ZNF131: variants seen among roughly 807,000 people sequenced by gnomAD.
ZNF131 encodes zinc finger protein 131.
A neutral mutation model predicts 60.0 loss-of-function variants in ZNF131; 7 were observed. That is an observed-to-expected ratio of 0.12 (90% confidence interval 0.07 to 0.22). The LOEUF is 0.22. ZNF131 is among the 10% of genes least tolerant of loss of function. ZNF131 has a pLI of 1.00. For missense variants in ZNF131, 493 were observed against 740.9 expected (o/e 0.67, Z 3.88); for synonymous variants, 257 against 253.2 (o/e 1.01, Z -0.14).
chr5:43,145,589 G>T (rs2111610660), intron 4 of ZNF131, among the ~76,000 whole-genome samples: 1 of 152,078 alleles, frequency 6.6e-6, no homozygotes, highest in South Asian at 2.1e-4. Context: ...GGAGGCGGAG[G>T]TTGCAGTAAG....
intron 4 of ZNF131, among the ~76,000 whole-genome samples, chr5:43,147,384 TTTTTTA>T (rs1430199325): frequency 6.6e-6 from 1 of 151,840 alleles, no homozygotes; most frequent in Non-Finnish European, 1.5e-5. Flanking sequence ...AGTTTGGAAG[TTTTTTA>T]AATCTTTTTT....
intron 3 of ZNF131, among the ~76,000 whole-genome samples, chr5:43,125,583 C>T (rs1476730859): frequency 1.3e-5 from 2 of 151,768 alleles, no homozygotes; most frequent in Admixed American, 6.6e-5. Flanking sequence ...GAGGTCGAGA[C>T]CAGCCTGACC....
chr5:43,124,585 T>C (rs1421566685), intron 3 of ZNF131: 1 of 152,120 alleles, frequency 6.6e-6, no homozygotes, highest in African/African-American at 2.4e-5. Context: ...CCACAAAACT[T>C]AATAAAGTGA....
At position 43,152,692 on chromosome 5, in the gene ZNF131, A is replaced by G. The variant is rs575093406; in HGVS notation, c.372-8557A>G. ...TGCAATCACAGCTCACTGCAGCTGT[A>G]ACTTTCCAGGCTCAGATGATCCTCC... On this transcript the variant is annotated intron_variant, in intron 4 of 6. Coordinates refer to ENST00000682664, the MANE Select transcript of ZNF131 (RefSeq NM_001330707.2). Among the ~76,000 whole-genome samples the G allele has an allele frequency of 3.3e-5, 5 of 152,210 alleles. No individual in the cohort carries two copies. In the East Asian group the frequency reaches 7.7e-4, roughly 24 times the overall value.
At chr5:43,155,632 C>CTT (rs1331012279) in intron 4 of ZNF131, among the ~76,000 whole-genome samples, 4 of 152,142 alleles carry the variant, frequency 2.6e-5, no homozygotes, top group Non-Finnish European at 5.9e-5. Flanking sequence ...TGCTGTTTTG[C>CTT]TTGCAGGTTA....
intron 4 of ZNF131, among the ~76,000 whole-genome samples, chr5:43,150,199 C>T (rs1003573928): frequency 3.9e-5 from 6 of 152,246 alleles, no homozygotes; most frequent in African/African-American, 1.4e-4. Context: ...AGCAAACCTG[C>T]CTAACCTTTG....
chr5:43,173,205 C>T (rs1198061683), intron 5 of ZNF131, 113 bp from the exon 6 acceptor site: 10 of 1,113,922 alleles, frequency 9.0e-6, no homozygotes, highest in Admixed American at 3.0e-5. Context: ...TGTGATTTCT[C>T]CTTTTAGGAA....
intron 2 of ZNF131, 132 bp downstream of exon 2, chr5:43,122,309 T>G: frequency 9.1e-7 from 1 of 1,098,094 alleles, no homozygotes; most frequent in Non-Finnish European, 1.3e-6. Context: ...GTCTGCAGAG[T>G]GTGTGCACTG....
chr5:43,132,144 A>G (rs1745444157), intron 3 of ZNF131, among the ~76,000 whole-genome samples: 1 of 152,234 alleles, frequency 6.6e-6, no homozygotes, highest in Admixed American at 6.5e-5. Flanking sequence ...TTGTTTTAAA[A>G]AGGATTTTTC....
intron 4 of ZNF131, among the ~76,000 whole-genome samples, chr5:43,139,576 G>A (rs908226525): frequency 1.1e-4 from 16 of 152,128 alleles, no homozygotes; most frequent in Admixed American, 2.6e-4. Context: ...TAAGGATCTG[G>A]ATCCTTATAA....
intron 4 of ZNF131, among the ~76,000 whole-genome samples, chr5:43,151,798 C>T (rs551194198): frequency 6.6e-6 from 1 of 152,224 alleles, no homozygotes; most frequent in South Asian, 2.1e-4. Context: ...AGCACAGTCC[C>T]AGGGGCACAT....
chr5:43,159,773 CT>C (rs980407567), intron 4 of ZNF131, among the ~76,000 whole-genome samples: 1 of 150,674 alleles, frequency 6.6e-6, no homozygotes, highest in African/African-American at 2.4e-5. Context: ...CTGTGGCTTG[CT>C]TTTTTATTAA....
intron 5 of ZNF131, among the ~76,000 whole-genome samples, chr5:43,165,913 G>A (rs906106747): frequency 2.0e-5 from 3 of 152,206 alleles, no homozygotes; most frequent in African/African-American, 7.2e-5. Context: ...TCTTAACTAG[G>A]TATTCTGGAT....
chr5:43,143,795 C>A (rs1747165161), intron 4 of ZNF131, among the ~76,000 whole-genome samples: 1 of 150,650 alleles, frequency 6.6e-6, no homozygotes, highest in South Asian at 2.1e-4. Context: ...TTAACAGAAC[C>A]TCAAGGTCAG....
At chr5:43,160,520 C>T (rs1327974904) in intron 4 of ZNF131, among the ~76,000 whole-genome samples, 1 of 151,664 alleles carries the variant, frequency 6.6e-6, no homozygotes, top group Non-Finnish European at 1.5e-5. Flanking sequence ...TCACTAAGGT[C>T]TTCTCCTGTT....
At chr5:43,171,267 C>T (rs1258319087) in intron 5 of ZNF131, among the ~76,000 whole-genome samples, 1 of 152,082 alleles carries the variant, frequency 6.6e-6, no homozygotes, top group Non-Finnish European at 1.5e-5. Context: ...TTCTTTTATT[C>T]TAGAGAAAGA....
intron 5 of ZNF131, among the ~76,000 whole-genome samples, chr5:43,168,318 C>T (rs1750603808): frequency 6.6e-6 from 1 of 152,178 alleles, no homozygotes; most frequent in African/African-American, 2.4e-5. Context: ...AGGAGTTAGC[C>T]TCGAAACAGG....
intron 3 of ZNF131, among the ~76,000 whole-genome samples, chr5:43,133,191 T>G (rs1745587969): frequency 6.6e-6 from 1 of 152,078 alleles, no homozygotes. Flanking sequence ...TTAGGCCTGG[T>G]GTGGTGGCTC....
chr5:43,137,724 T>A (rs1013626377), intron 3 of ZNF131, among the ~76,000 whole-genome samples: 2 of 152,232 alleles, frequency 1.3e-5, no homozygotes, highest in African/African-American at 4.8e-5. Context: ...CAATCCCACT[T>A]GCTGAACATT....
Sources: gnomAD v4.1 joint callset for allele counts (sites outside exome capture counted in the v4.1 genomes callset) on GRCh38, gnomAD v4.1.1 for gene constraint, MANE v1.5 for transcripts, NCBI Gene and HGNC (gene_info 2026-07-23, HGNC 2026-07-21) for gene names.